The following CNTNAP4 variants were observed in gnomAD, a reference collection of about 807,000 sequenced individuals.
CNTNAP4 encodes the protein contactin-associated protein-like 4.
In CNTNAP4, 98 loss-of-function variants were observed where a neutral mutation model predicts 148.4. The observed-to-expected ratio is 0.66, with a 90% CI of 0.56 to 0.78. The LOEUF is 0.78. Among genes scored for constraint, CNTNAP4 ranks in the 30% least tolerant of loss-of-function variants. The pLI is 0.00. For synonymous variants in CNTNAP4, 730 were observed against 565.1 expected, an observed-to-expected ratio of 1.29 and a Z score of -4.14; for missense variants, 1,935 against 1,565.6, an observed-to-expected ratio of 1.24 and a Z score of -3.98.
intron 12 of CNTNAP4, among the ~76,000 whole-genome samples, chr16:76,484,522 G>T (rs76961905): frequency 0.02 from 3,022 of 152,220 alleles, 42 homozygotes; most frequent in Middle Eastern, 0.034. Context: ...TGAGAAATAC[G>T]TGTTACTACT....
At chr16:76,312,584 A>G (rs1678173074) in intron 1 of CNTNAP4, among the ~76,000 whole-genome samples, 1 of 152,224 alleles carries the variant, frequency 6.6e-6, no homozygotes, top group Non-Finnish European at 1.5e-5. Flanking sequence ...ATAAAAAAAT[A>G]GCATGGCAAA....
chr16:76,312,602 C>G (rs1009753854), intron 1 of CNTNAP4, among the ~76,000 whole-genome samples: 1 of 152,118 alleles, frequency 6.6e-6, no homozygotes, highest in Admixed American at 6.6e-5. Context: ...AAACCTGGAA[C>G]TGGAGTACAC....
Position 76,530,168 on chromosome 16 carries a change from T to C in CNTNAP4, c.2756-5377T>C, listed in dbSNP as rs547215697. 1.0e-3 allele frequency among the ~76,000 whole-genome samples: 155 copies of C among 152,306 alleles called. 5 individuals are homozygous for C. In the South Asian group the frequency reaches 0.024, roughly 23 times the overall value. On this transcript the variant is annotated intron_variant, in intron 17 of 23. Transcript: ENST00000611870. Reference sequence around the variant, plus strand: ...TGCTTTCATATTGTTAATAGTGTCTTTGAATGGACACAAGTTATTAATTAT... The same window carrying C: ...TGCTTTCATATTGTTAATAGTGTCTCTGAATGGACACAAGTTATTAATTAT...
intron 6 of CNTNAP4, 43 bp downstream of exon 6, chr16:76,448,994 TA>T: frequency 1.9e-6 from 3 of 1,555,398 alleles, no homozygotes; most frequent in Non-Finnish European, 2.6e-6. Flanking sequence ...TTATTATGTA[TA>T]TGTGGTTTAA....
chr16:76,443,217 T>C (rs940836003), intron 4 of CNTNAP4, among the ~76,000 whole-genome samples: 1 of 152,172 alleles, frequency 6.6e-6, no homozygotes, highest in East Asian at 1.9e-4. Flanking sequence ...ATAATTCTTA[T>C]TCTTCCTTTC....
chr16:76,535,454 C>T (rs957126565), intron 17 of CNTNAP4, 91 bp from the exon 18 acceptor site: 19 of 1,364,350 alleles, frequency 1.4e-5, no homozygotes, highest in Admixed American at 2.5e-5. Flanking sequence ...TTTTTTTTGC[C>T]GTTCTCTGTA....
At position 76,489,743 on chromosome 16, in the gene CNTNAP4, C is replaced by T. The variant is rs763105748; in HGVS notation, c.1940C>T (p.Thr647Ile). ...NGSDLTRVRN[T>I]NPENPYAGFF... The stretch of plus-strand genomic sequence containing the variant: ...TCTGACTTAACAAGAGTCAGAAATA[C>T]TAATCCAGAGAACCCATATGCTGGG... Residue 647 changes from threonine (T) to isoleucine (I), a missense_variant, in exon 13 of 24, where the codon ACT becomes ATT. Transcript: ENST00000611870. 9 of 1,605,062 alleles carry T rather than the reference C, an allele frequency of 5.6e-6. No homozygotes were observed. The highest frequency in any genetic ancestry group is 7.7e-6 in the Non-Finnish European group (9 of 1,175,322).
intron 3 of CNTNAP4, among the ~76,000 whole-genome samples, chr16:76,365,974 T>A (rs1597332434): frequency 6.6e-6 from 1 of 152,284 alleles, no homozygotes; most frequent in African/African-American, 2.4e-5. Flanking sequence ...TTGATTTGCT[T>A]AATTTATCTT....
chr16:76,507,526 C>T (rs2082873673), intron 15 of CNTNAP4, among the ~76,000 whole-genome samples: 2 of 97,194 alleles, frequency 2.1e-5, no homozygotes, highest in Non-Finnish European at 2.9e-5. Context: ...ACCTCCAGTT[C>T]CATCCATATT....
At chr16:76,505,344 C>G (rs1170519687) in intron 15 of CNTNAP4, among the ~76,000 whole-genome samples, 1 of 68,644 alleles carries the variant, frequency 1.5e-5, no homozygotes, top group African/African-American at 3.0e-5. Flanking sequence ...TGAATCTCAA[C>G]TGCATTACTC....
At chr16:76,310,796 A>G (rs1180041425) in intron 1 of CNTNAP4, among the ~76,000 whole-genome samples, 1 of 145,098 alleles carries the variant, frequency 6.9e-6, no homozygotes, top group Non-Finnish European at 1.5e-5. Flanking sequence ...AATCAGCCCT[A>G]TTTTTTTTTT....
At chr16:76,357,085 C>A (rs2012776248) in intron 3 of CNTNAP4, among the ~76,000 whole-genome samples, 1 of 144,822 alleles carries the variant, frequency 6.9e-6, no homozygotes, top group South Asian at 2.2e-4. Flanking sequence ...ACACACACCC[C>A]AAACTCCAAA....
chr16:76,297,756 A>G (rs2143895577), intron 1 of CNTNAP4, among the ~76,000 whole-genome samples: 1 of 152,330 alleles, frequency 6.6e-6, no homozygotes, highest in South Asian at 2.1e-4. Context: ...GTTTCAGAAT[A>G]CTTTATCCAA....
At chr16:76,395,744 T>C (rs2078179984) in intron 3 of CNTNAP4, among the ~76,000 whole-genome samples, 2 of 152,044 alleles carry the variant, frequency 1.3e-5, no homozygotes, top group South Asian at 2.1e-4. Context: ...TGGTTTTTTT[T>C]TTTCGACAAG....
intron 13 of CNTNAP4, among the ~76,000 whole-genome samples, chr16:76,491,762 G>A (rs1002040708): frequency 2.0e-5 from 3 of 152,048 alleles, no homozygotes; most frequent in South Asian, 2.1e-4. Flanking sequence ...TTCAGTGTTC[G>A]GCTTATTCTG....
At chr16:76,350,161 T>C (rs889704090) in intron 2 of CNTNAP4, among the ~76,000 whole-genome samples, 7 of 152,090 alleles carry the variant, frequency 4.6e-5, no homozygotes, top group African/African-American at 1.7e-4. Context: ...GGATAAAATA[T>C]ACTACTATGA....
intron 3 of CNTNAP4, among the ~76,000 whole-genome samples, chr16:76,397,945 CATATATATATAT>C (rs71134756): frequency 4.1e-5 from 1 of 24,124 alleles, no homozygotes; most frequent in African/African-American, 2.4e-4. Context: ...AGATTATATA[CATATATATATAT>C]ATATATATAT....
intron 3 of CNTNAP4, among the ~76,000 whole-genome samples, chr16:76,419,290 C>G (rs2079097320): frequency 6.6e-6 from 1 of 151,910 alleles, no homozygotes; most frequent in South Asian, 2.1e-4. Context: ...AGTACTGCCC[C>G]CCAGTTGGGA....
intron 8 of CNTNAP4, among the ~76,000 whole-genome samples, chr16:76,456,816 G>C (rs1053626787): frequency 9.9e-5 from 15 of 151,662 alleles, no homozygotes; most frequent in African/African-American, 3.4e-4. Context: ...AAGAGTGTAG[G>C]TTTTGGAGTC....
Sources: gnomAD v4.1 joint callset for allele counts (sites outside exome capture counted in the v4.1 genomes callset) on GRCh38, gnomAD v4.1.1 for gene constraint, MANE v1.5 for transcripts, NCBI Gene and HGNC (gene_info 2026-07-23, HGNC 2026-07-21) for gene names.